SRFBP1: variants seen among roughly 807,000 people sequenced by gnomAD.
The protein encoded by SRFBP1 is serum response factor binding protein 1.
A neutral mutation model predicts 45.5 loss-of-function variants in SRFBP1; 47 were observed. The ratio of observed to expected loss-of-function variants is 1.03; its 90% confidence interval spans 0.82 to 1.32. The LOEUF (loss-of-function observed/expected upper bound fraction) is 1.32. Ranked by LOEUF, SRFBP1 falls within the 40% of genes most tolerant of loss-of-function variation. The pLI, the probability that SRFBP1 is intolerant of heterozygous loss-of-function variation, is 0.00. For missense variants in SRFBP1, 621 were observed against 484.6 expected (o/e 1.28, Z -2.64); for synonymous variants, 203 against 166.3 (o/e 1.22, Z -1.70).
chr5:121,982,057 A>G (rs1207422426), intron 3 of SRFBP1, among the ~76,000 whole-genome samples: 8 of 151,944 alleles, frequency 5.3e-5, no homozygotes, highest in South Asian at 2.1e-4. Flanking sequence ...GTTACTAAGA[A>G]GAATCTGTAA....
intron 2 of SRFBP1, chr5:122,064,715 A>G (rs1057012925): frequency 6.6e-6 from 1 of 152,004 alleles, no homozygotes; most frequent in Non-Finnish European, 1.5e-5. Flanking sequence ...GGTTATAGAC[A>G]GTCTTTTTTA....
rs187714342 is a variant in SRFBP1, at chr5:122,009,987, C to G, written c.271-9273C>G. Among the ~76,000 whole-genome samples, 66 of 152,256 alleles carry G rather than the reference C, an allele frequency of 4.3e-4. 1 individual carries two copies. The highest frequency in any genetic ancestry group is 1.5e-3 in the African/African-American group (63 of 41,544). ...CAACTCCATCCTCCCCTTTAACCTT[C>G]CCTTCCCACTAACTCTGCCACCAGT... On this transcript the variant is annotated intron_variant, in intron 4 of 7. Transcript: ENST00000339397.
intron 4 of SRFBP1, among the ~76,000 whole-genome samples, chr5:121,999,617 CATG>C (rs1339478902): frequency 1.3e-5 from 2 of 151,880 alleles, no homozygotes; most frequent in Non-Finnish European, 2.9e-5. Context: ...CATTTTGAAA[CATG>C]TATGTTAGAT....
At chr5:121,967,425 G>A (rs554641662) in intron 1 of SRFBP1, among the ~76,000 whole-genome samples, 9 of 152,220 alleles carry the variant, frequency 5.9e-5, no homozygotes, top group Non-Finnish European at 8.8e-5. Flanking sequence ...TGGTTAAATC[G>A]TAGATAATCA....
chr5:121,976,197 AAAGTGTTTAATAGGAC>A (rs1752299538), intron 3 of SRFBP1, among the ~76,000 whole-genome samples: 1 of 152,062 alleles, frequency 6.6e-6, no homozygotes, highest in African/African-American at 2.4e-5. Context: ...AACGGATAGT[AAAGTGTTTAATAGGAC>A]AAAGTTATCC....
chr5:121,974,598 TA>T (rs1752265013), intron 2 of SRFBP1, among the ~76,000 whole-genome samples: 1 of 151,960 alleles, frequency 6.6e-6, no homozygotes, highest in African/African-American at 2.4e-5. Context: ...TATTTTAAGA[TA>T]CTGATACAGC....
intron 2 of SRFBP1, among the ~76,000 whole-genome samples, chr5:122,061,996 G>T (rs2152581997): frequency 6.6e-6 from 1 of 151,924 alleles, no homozygotes; most frequent in African/African-American, 2.4e-5. Context: ...AGCAAAAATT[G>T]TATACTAGGA....
intron 2 of SRFBP1, among the ~76,000 whole-genome samples, chr5:122,046,130 T>C (rs1753852338): frequency 1.3e-5 from 2 of 152,118 alleles, no homozygotes. Flanking sequence ...ATGTGCCATG[T>C]TGGTGTGCTG....
At chr5:122,001,907 A>G (rs1580519134) in intron 4 of SRFBP1, among the ~76,000 whole-genome samples, 2 of 152,348 alleles carry the variant, frequency 1.3e-5, no homozygotes, top group Non-Finnish European at 2.9e-5. Context: ...ACAAGAAAAT[A>G]TAAGAGATAA....
intron 6 of SRFBP1, 86 bp downstream of exon 6, chr5:122,020,888 A>G (rs1022404227): frequency 6.4e-6 from 8 of 1,248,716 alleles, no homozygotes; most frequent in African/African-American, 3.1e-5. Flanking sequence ...TGAAGAGACT[A>G]TAATTCTAGT....
intron 2 of SRFBP1, among the ~76,000 whole-genome samples, chr5:122,052,632 A>G (rs1236678438): frequency 6.6e-6 from 1 of 152,084 alleles, no homozygotes; most frequent in Non-Finnish European, 1.5e-5. Context: ...TGGCGATTTC[A>G]TCTGTCAGCT....
chr5:121,982,931 G>A (rs1480981276), intron 3 of SRFBP1, among the ~76,000 whole-genome samples: 1 of 151,656 alleles, frequency 6.6e-6, no homozygotes, highest in Non-Finnish European at 1.5e-5. Flanking sequence ...CCTAATAACT[G>A]TGAAAGTATC....
chr5:122,001,443 T>G (rs1241737397), intron 4 of SRFBP1, among the ~76,000 whole-genome samples: 1 of 150,100 alleles, frequency 6.7e-6, no homozygotes, highest in South Asian at 2.1e-4. Flanking sequence ...GAACCTTTTG[T>G]TACAAATTTT....
intron 3 of SRFBP1, 92 bp from the exon 4 acceptor site, chr5:121,994,507 A>T: frequency 1.3e-6 from 1 of 757,612 alleles, no homozygotes. Flanking sequence ...GATGTTATTT[A>T]ATATTAAGTT....
At chr5:122,071,003 C>T (rs564641196) in intron 2 of SRFBP1, among the ~76,000 whole-genome samples, 11 of 152,126 alleles carry the variant, frequency 7.2e-5, no homozygotes, top group Non-Finnish European at 5.9e-5. Context: ...GTGCTTTGAA[C>T]GTCCATGATA....
chr5:121,979,851 G>T (rs1752373517), intron 3 of SRFBP1, among the ~76,000 whole-genome samples: 1 of 152,110 alleles, frequency 6.6e-6, no homozygotes, highest in African/African-American at 2.4e-5. Context: ...AATATCCTAA[G>T]GTTATATAGC....
At chr5:121,999,097 C>A (rs1752799482) in intron 4 of SRFBP1, among the ~76,000 whole-genome samples, 1 of 152,060 alleles carries the variant, frequency 6.6e-6, no homozygotes, top group Non-Finnish European at 1.5e-5. Context: ...TAGACCTTTT[C>A]TAATAAAAGC....
chr5:121,974,397 C>T, intron 2 of SRFBP1, 113 bp downstream of exon 2: 2 of 716,536 alleles, frequency 2.8e-6, no homozygotes, highest in South Asian at 3.5e-5. Flanking sequence ...ATGTCTTATA[C>T]ACCATTTTTG....
At chr5:121,999,477 G>A (rs1752808348) in intron 4 of SRFBP1, among the ~76,000 whole-genome samples, 1 of 151,802 alleles carries the variant, frequency 6.6e-6, no homozygotes, top group South Asian at 2.1e-4. Context: ...ATTGGTTGAT[G>A]GTATTCAGAT....
Sources: allele counts gnomAD v4.1 joint callset (sites outside exome capture counted in the v4.1 genomes callset), GRCh38; gene constraint gnomAD v4.1.1; transcripts MANE v1.5; gene names NCBI Gene and HGNC (gene_info 2026-07-23, HGNC 2026-07-21).